Variants in ACAN observed in about 807,000 individuals in gnomAD.
The protein encoded by ACAN is aggrecan core protein.
ACAN carries 47 observed loss-of-function variants against 169.1 expected under a neutral mutation model. That is an observed-to-expected ratio of 0.28 (90% CI 0.22 to 0.35). The LOEUF is 0.35. Among genes scored for constraint, ACAN ranks in the 10% least tolerant of loss-of-function variants. The pLI, the probability that ACAN is intolerant of heterozygous loss-of-function variation, is 1.00. For missense variants in ACAN, 2,716 were observed against 2,759.9 expected (o/e 0.98, Z 0.36); for synonymous variants, 1,115 against 1,112.2 (o/e 1.00, Z -0.05).
rs115572721 is a variant in ACAN, at chr15:88,869,544, A to G, written c.7060+1215A>G. Among the ~76,000 whole-genome samples the G allele has an allele frequency of 7.7e-3, 1,172 of 152,298 alleles. 11 individuals carry two copies. The highest frequency in any genetic ancestry group is 0.026 in the African/African-American group (1,091 of 41,562). On this transcript the variant is annotated intron_variant, in intron 14 of 18. Coordinates refer to ENST00000560601, the MANE Select transcript of ACAN (RefSeq NM_001369268.1). The surrounding 1 kb of genome is among the most constrained non-coding windows in gnomAD (Gnocchi z 4.2). Reference sequence around the variant, plus strand: ...CTTGGCTGGGGTGGAAGCAGAGACTACAAGGATTTTCTCCCCATGATACCA... The same window carrying G: ...CTTGGCTGGGGTGGAAGCAGAGACTGCAAGGATTTTCTCCCCATGATACCA...
chr15:88,828,811 C>T (rs546868118), intron 1 of ACAN, among the ~76,000 whole-genome samples: 1 of 152,252 alleles, frequency 6.6e-6, no homozygotes, highest in African/African-American at 2.4e-5. Context: ...ATGGAAAATC[C>T]GAGGCTCCGG....
At position 88,847,381 on chromosome 15, in the gene ACAN, A is replaced by C. The variant is rs753649277; in HGVS notation, c.1568A>C (p.Gln523Pro). 7 of 1,587,558 alleles carry C rather than the reference A, an allele frequency of 4.4e-6. No individual in the cohort carries two copies. The highest frequency in any genetic ancestry group is 1.1e-5 in the South Asian group (1 of 87,354). The change falls in exon 8 of 19, where the codon CAG becomes CCG. Residue 523 changes from glutamine (Q) to proline (P), a missense_variant. Gln to Pro is a moderately conservative substitution (Grantham distance 76). Coordinates refer to ENST00000560601, the MANE Select transcript of ACAN (RefSeq NM_001369268.1). ...GCCGCCTACGAAGCAGGCTATGAGC[A>C]GTGTGACGCCGGCTGGCTGCGGGAC... is the stretch of plus-strand genomic sequence containing the variant. ...LQAAYEAGYE[Q>P]CDAGWLRDQT...
intron 1 of ACAN, among the ~76,000 whole-genome samples, chr15:88,835,425 GAGAC>G (rs1465215601): frequency 1.1e-4 from 17 of 151,974 alleles, no homozygotes; most frequent in African/African-American, 3.9e-4. Context: ...ACACACACGA[GAGAC>G]AGAGAGAGAG....
intron 1 of ACAN, among the ~76,000 whole-genome samples, chr15:88,820,765 T>G (rs1000410216): frequency 6.6e-6 from 1 of 152,164 alleles, no homozygotes; most frequent in South Asian, 2.1e-4. Context: ...CCTTGTATTG[T>G]AGGAATTTTT....
At position 88,807,635 on chromosome 15, in the gene ACAN, A is replaced by G. The variant is rs916113737; in HGVS notation, c.-8+3826A>G. Among the ~76,000 whole-genome samples the G allele has an allele frequency of 1.4e-4, 22 of 152,264 alleles. No homozygotes were observed. The highest frequency in any genetic ancestry group is 1.4e-3 in the Admixed American group (22 of 15,306). ...GCGAGAGGAGGACCAGAGAGGGGGA[A>G]TTTGTAGAGAAAACGGTAAAACGGT... is the stretch of plus-strand genomic sequence containing the variant. On this transcript the variant is annotated intron_variant, in intron 1 of 18. Coordinates refer to ENST00000560601, the MANE Select transcript of ACAN (RefSeq NM_001369268.1). This position sits in a 1 kb window ranked among gnomAD's most constrained non-coding sequence, Gnocchi z 4.0.
chr15:88,859,366 T>C lies in ACAN; in HGVS notation c.6781T>C (p.Ser2261Pro), dbSNP rs1214701977. The change falls in exon 12 of 19, where the codon TCC (serine) becomes CCC (proline). Residue 2261 changes from serine (S) to proline (P), a missense_variant. Physicochemically the swap from Ser to Pro is moderately conservative, Grantham distance 74. Coordinates refer to ENST00000560601, the MANE Select transcript of ACAN (RefSeq NM_001369268.1). ...VETATSPTDA[S>P]IPASPEWKRE... ...AACAGCCACCTCCCCAACAGATGCT[T>C]CCATCCCAGCTTCTCCGGAATGGAA... is the stretch of plus-strand genomic sequence containing the variant. 6.3e-7 allele frequency: 1 copy of C among 1,582,498 alleles called. No individual in the cohort carries two copies. Among genetic ancestry groups the C allele is most frequent in the Admixed American group, 1.8e-5 (1 of 54,490 alleles).
At position 88,803,538 on chromosome 15, in the gene ACAN, G is replaced by C. The variant is rs1895590385; in HGVS notation, c.-279G>C. 1 of 149,428 alleles carries C rather than the reference G, an allele frequency of 6.7e-6. No homozygotes were observed. The highest frequency in any genetic ancestry group is 1.5e-5 in the Non-Finnish European group (1 of 67,308). 9.3% of individuals were successfully genotyped at this position (149,428 alleles called of 1,614,324 possible). ...TCTCTCTCAGCACCCTCGCCGGCCG[G>C]CGTCTGACGCGGGTGCCAGGGTCTC... is the stretch of plus-strand genomic sequence containing the variant. On this transcript the variant is annotated 5_prime_UTR_variant, in exon 1 of 19. Transcript: ENST00000560601.
At chr15:88,832,072 A>C (rs1162341319) in intron 1 of ACAN, among the ~76,000 whole-genome samples, 1 of 152,106 alleles carries the variant, frequency 6.6e-6, no homozygotes, top group Non-Finnish European at 1.5e-5. Flanking sequence ...CAGCCAAGGA[A>C]TGGGCCACCT....
At chr15:88,822,776 C>G (rs936946613) in intron 1 of ACAN, among the ~76,000 whole-genome samples, 1 of 152,152 alleles carries the variant, frequency 6.6e-6, no homozygotes, top group Admixed American at 6.6e-5. Context: ...TTCCCAGACC[C>G]TGGAATCAGG....
At chr15:88,811,497 C>A (rs540908851) in intron 1 of ACAN, among the ~76,000 whole-genome samples, 1 of 152,210 alleles carries the variant, frequency 6.6e-6, no homozygotes. Context: ...CATCTGTAAC[C>A]TTCCCTCTAA....
At chr15:88,862,990 T>G (rs1217557238) in intron 13 of ACAN, among the ~76,000 whole-genome samples, 1 of 126,022 alleles carries the variant, frequency 7.9e-6, no homozygotes, top group African/African-American at 3.3e-5. Flanking sequence ...AGAGTGACAC[T>G]CGGTCTCAAA....
intron 1 of ACAN, among the ~76,000 whole-genome samples, chr15:88,830,243 G>A (rs1382038948): frequency 6.6e-6 from 1 of 152,170 alleles, no homozygotes. Flanking sequence ...CACAATGAAT[G>A]GAGAATGAGG....
At position 88,874,663 on chromosome 15, in the gene ACAN, C is replaced by G; in HGVS notation, c.*182C>G. 1 of 698,774 alleles carries G rather than the reference C, an allele frequency of 1.4e-6. No homozygotes were observed. The highest frequency in any genetic ancestry group is 2.8e-5 in the East Asian group (1 of 36,168). 43.3% of individuals were successfully genotyped at this position (698,774 alleles called of 1,614,324 possible). A position where few individuals can be genotyped will look rare whatever the true frequency, so the allele number is the denominator to read the frequency against. ...CACTCACCCCTCCAAATCAGCAAAA[C>G]CGCATCTAATTTGTCCGCCGAATGC... On this transcript the variant is annotated 3_prime_UTR_variant, in exon 19 of 19. Coordinates refer to ENST00000560601, the MANE Select transcript of ACAN (RefSeq NM_001369268.1). The surrounding 1 kb of genome is among the most constrained non-coding windows in gnomAD (Gnocchi z 7.3).
chr15:88,858,897 C>T lies in ACAN; in HGVS notation c.6312C>T (p.Ser2104=), dbSNP rs368590289. ...SSVPESSSET[S]AYPEAGFGAS... The stretch of plus-strand genomic sequence containing the variant: ...TCCCAGAATCTAGCAGTGAGACGTC[C>T]GCCTATCCTGAAGCTGGGTTCGGGG... The change falls in exon 12 of 19, where the codon TCC becomes TCT. Residue 2104 remains serine (S), a synonymous_variant. Coordinates refer to ENST00000560601, the MANE Select transcript of ACAN (RefSeq NM_001369268.1). This position sits in a 1 kb window ranked among gnomAD's most constrained non-coding sequence, Gnocchi z 4.0. 3.0e-5 allele frequency: 49 copies of T among 1,608,862 alleles called. No individual in the cohort carries two copies. The highest frequency in any genetic ancestry group is 1.2e-4 in the African/African-American group (9 of 74,684).
In ACAN at chr15:88,857,809, T is replaced by C. The variant is rs779498521; in HGVS notation, c.5224T>C (p.Phe1742Leu). The C allele has an allele frequency of 3.7e-6, 6 of 1,613,204 alleles. No homozygotes were observed. Among genetic ancestry groups the C allele is most frequent in the Non-Finnish European group, 5.1e-6 (6 of 1,179,724 alleles). ...TGGTGTCAGTGGACAGCCATCAGGG[T>C]TTCCTGACACTAGTGGGGAAACATC... ...LFGVSGQPSG[F>L]PDTSGETSGV... is the part of the protein sequence containing the mutation. The change falls in exon 12 of 19, where the codon TTT becomes CTT. Residue 1742 changes from phenylalanine (F) to leucine (L), a missense_variant. Phe to Leu is a conservative substitution (Grantham distance 22). Coordinates refer to ENST00000560601, the MANE Select transcript of ACAN (RefSeq NM_001369268.1).
At chr15:88,816,258 C>CT (rs1038273966) in intron 1 of ACAN, among the ~76,000 whole-genome samples, 1 of 152,140 alleles carries the variant, frequency 6.6e-6, no homozygotes, top group African/African-American at 2.4e-5. Context: ...CATAAGGTAT[C>CT]TTTTTTTGGT....
intron 1 of ACAN, among the ~76,000 whole-genome samples, chr15:88,805,507 G>C (rs1262548528): frequency 6.6e-6 from 1 of 152,216 alleles, no homozygotes; most frequent in African/African-American, 2.4e-5. Flanking sequence ...GTTTAATTTA[G>C]ATATTCTTAC....
At position 88,873,725 on chromosome 15, in the gene ACAN, C is replaced by T; in HGVS notation, c.7448-117C>T. ...GATTCTTAGCGCTGCATGAAAACGT[C>T]CAGGGCTCACTGTCAGATGTTGAGG... On this transcript the variant is annotated intron_variant, in intron 17 of 18. Transcript: ENST00000560601. The surrounding 1 kb of genome is among the most constrained non-coding windows in gnomAD (Gnocchi z 7.5). The T allele has an allele frequency of 8.9e-7, 1 of 1,118,730 alleles. No individual in the cohort carries two copies. 69.3% of individuals were successfully genotyped at this position (1,118,730 alleles called of 1,614,324 possible).
chr15:88,828,582 T>A (rs2141536943), intron 1 of ACAN, among the ~76,000 whole-genome samples: 1 of 152,204 alleles, frequency 6.6e-6, no homozygotes, highest in East Asian at 1.9e-4. Context: ...ATGTGCTCAA[T>A]AGGCAAGCGA....
Sources: gnomAD v4.1 joint callset for allele counts (sites outside exome capture counted in the v4.1 genomes callset) on GRCh38, gnomAD v4.1.1 for gene constraint, Gnocchi (gnomAD v3.1) non-coding constraint, MANE v1.5 for transcripts, NCBI Gene and HGNC (gene_info 2026-07-23, HGNC 2026-07-21) for gene names.